C12orf42: variants seen among roughly 807,000 people sequenced by gnomAD.
C12orf42 encodes uncharacterized protein C12orf42.
In C12orf42, 25 loss-of-function variants were observed where a neutral mutation model predicts 21.6. The observed-to-expected ratio is 1.16, with a 90% CI of 0.84 to 1.62. The LOEUF is 1.62. C12orf42 is among the 40% of genes most tolerant of loss of function. C12orf42 has a pLI of 0.00. For synonymous variants in C12orf42, 174 were observed against 175.0 expected (o/e 0.99, Z 0.05); for missense variants, 483 against 459.3 (o/e 1.05, Z -0.47).
chr12:103,282,702 G>A (rs116097589), intron 4 of C12orf42, among the ~76,000 whole-genome samples: 3 of 152,184 alleles, frequency 2.0e-5, no homozygotes, highest in Admixed American at 6.5e-5. Flanking sequence ...GGAAAAAAGC[G>A]ATGAGGACTC....
At chr12:103,203,837 T>C in the C12orf42 span, among the ~76,000 whole-genome samples, 2 of 152,076 alleles carry the variant, frequency 1.3e-5, no homozygotes, top group East Asian at 3.9e-4. Flanking sequence ...AAAATTGAGA[T>C]GTAATGCTAG....
the C12orf42 span, among the ~76,000 whole-genome samples, chr12:103,118,895 T>G: frequency 6.6e-6 from 1 of 151,932 alleles, no homozygotes; most frequent in Admixed American, 6.6e-5. Flanking sequence ...GTGATTTAAA[T>G]GCACACATTC....
the C12orf42 span, among the ~76,000 whole-genome samples, chr12:103,214,192 T>A: frequency 6.6e-6 from 1 of 152,212 alleles, no homozygotes; most frequent in Non-Finnish European, 1.5e-5. Context: ...ATAGCTTCCA[T>A]GACTGGATGC....
the C12orf42 span, among the ~76,000 whole-genome samples, chr12:103,556,396 A>T: frequency 1.3e-5 from 2 of 152,232 alleles, no homozygotes; most frequent in African/African-American, 4.8e-5. Flanking sequence ...GGGCTTAGTC[A>T]TAAGGAATAT....
At chr12:103,216,375 C>CTTT in the C12orf42 span, among the ~76,000 whole-genome samples, 1 of 143,364 alleles carries the variant, frequency 7.0e-6, no homozygotes, top group Non-Finnish European at 1.5e-5. Context: ...ACTTTTTTTT[C>CTTT]TTTTTTTTTT....
At chr12:103,450,611 A>C (rs1951875323) in intron 2 of C12orf42, among the ~76,000 whole-genome samples, 1 of 152,118 alleles carries the variant, frequency 6.6e-6, no homozygotes, top group Non-Finnish European at 1.5e-5. Flanking sequence ...AATTGTTGCC[A>C]GGTCAACCCC....
At chr12:103,086,628 C>T in the C12orf42 span, among the ~76,000 whole-genome samples, 64 of 151,614 alleles carry the variant, frequency 4.2e-4, no homozygotes, top group East Asian at 1.9e-4. Flanking sequence ...CAGAGGGTGC[C>T]GTGCAACTAA....
chr12:103,269,249 A>G (rs926627364), intron 6 of C12orf42, among the ~76,000 whole-genome samples: 7 of 152,144 alleles, frequency 4.6e-5, no homozygotes, highest in Non-Finnish European at 1.0e-4. Context: ...TAGAGTTTAG[A>G]GGGAGCTGTT....
intron 4 of C12orf42, among the ~76,000 whole-genome samples, chr12:103,336,718 C>T (rs909265754): frequency 3.9e-5 from 6 of 152,044 alleles, no homozygotes; most frequent in East Asian, 1.9e-4. Flanking sequence ...AGGGATTGAC[C>T]GTCTTAATTT....
At chr12:103,122,432 G>A in the C12orf42 span, among the ~76,000 whole-genome samples, 1 of 152,106 alleles carries the variant, frequency 6.6e-6, no homozygotes, top group Non-Finnish European at 1.5e-5. Context: ...TATTTATTAA[G>A]TATCTGCTAT....
intron 4 of C12orf42, among the ~76,000 whole-genome samples, chr12:103,293,731 G>A (rs146773821): frequency 1.3e-5 from 2 of 152,126 alleles, no homozygotes; most frequent in African/African-American, 2.4e-5. Flanking sequence ...TTCCATGGGG[G>A]TCCAAGGCAG....
At chr12:103,400,523 T>C (rs1165763204) in intron 3 of C12orf42, among the ~76,000 whole-genome samples, 1 of 152,216 alleles carries the variant, frequency 6.6e-6, no homozygotes, top group Admixed American at 6.5e-5. Context: ...AATGGACATA[T>C]AACTAATGAA....
chr12:103,358,074 G>A (rs1164414311), intron 4 of C12orf42, among the ~76,000 whole-genome samples: 9 of 151,962 alleles, frequency 5.9e-5, no homozygotes, highest in Admixed American at 5.9e-4. Flanking sequence ...TTGGGGTGAC[G>A]ACTCCATGTT....
the C12orf42 span, among the ~76,000 whole-genome samples, chr12:103,109,411 G>A: frequency 0.033 from 4,971 of 152,058 alleles, 256 homozygotes; most frequent in African/African-American, 0.11. Context: ...TATGATGAAG[G>A]TAACATTGTA....
At chr12:103,279,063 T>G (rs927602193) in intron 4 of C12orf42, among the ~76,000 whole-genome samples, 1 of 152,244 alleles carries the variant, frequency 6.6e-6, no homozygotes, top group African/African-American at 2.4e-5. Context: ...TCCTTCTCTT[T>G]TAAGGCTGAA....
At chr12:103,175,039 A>G in the C12orf42 span, among the ~76,000 whole-genome samples, 2 of 152,196 alleles carry the variant, frequency 1.3e-5, no homozygotes, top group Non-Finnish European at 2.9e-5. Flanking sequence ...CTGATATCCA[A>G]CCAATTTAGA....
At chr12:103,225,584 C>A in the C12orf42 span, among the ~76,000 whole-genome samples, 2 of 151,768 alleles carry the variant, frequency 1.3e-5, no homozygotes, top group East Asian at 3.9e-4. Flanking sequence ...AGAAGGGCGG[C>A]AATGAGATAT....
chr12:103,441,073 T>A (rs1405876655), intron 2 of C12orf42, among the ~76,000 whole-genome samples: 2 of 152,206 alleles, frequency 1.3e-5, no homozygotes, highest in African/African-American at 4.8e-5. Flanking sequence ...CAGCATCATT[T>A]TTAATTGATA....
intron 4 of C12orf42, among the ~76,000 whole-genome samples, chr12:103,308,192 T>C (rs779751655): frequency 3.3e-5 from 5 of 152,212 alleles, no homozygotes; most frequent in African/African-American, 7.2e-5. Flanking sequence ...AGGGTAGTAG[T>C]TGGCATTTAG....
Sources: allele counts gnomAD v4.1 joint callset (sites outside exome capture counted in the v4.1 genomes callset), GRCh38; gene constraint gnomAD v4.1.1; transcripts MANE v1.5; gene names NCBI Gene and HGNC (gene_info 2026-07-23, HGNC 2026-07-21).